Variants in CADM1 observed in about 807,000 individuals in gnomAD.
CADM1 encodes TSLC-1.
Under a neutral mutation model 53.1 loss-of-function variants are expected in CADM1, and 15 were observed. The ratio of observed to expected loss-of-function variants is 0.28; its 90% confidence interval spans 0.19 to 0.44. The LOEUF (loss-of-function observed/expected upper bound fraction) is 0.44, where lower values mean the gene tolerates loss of function less well. Ranked by LOEUF, CADM1 falls within the 20% of genes least tolerant of loss-of-function variation. CADM1 has a pLI of 1.00. For missense variants in CADM1, 434 were observed against 611.3 expected (o/e 0.71, Z 3.06); for synonymous variants, 281 against 243.0 (o/e 1.16, Z -1.45).
At chr11:115,400,661 GTATATA>G (rs372594262) in intron 1 of CADM1, among the ~76,000 whole-genome samples, 4,014 of 45,178 alleles carry the variant, frequency 0.089, 136 homozygotes, top group Admixed American at 0.16. Flanking sequence ...GTGTGTGTGT[GTATATA>G]TATATATATA....
chr11:115,329,910 C>T (rs555673598), intron 1 of CADM1, among the ~76,000 whole-genome samples: 17 of 151,636 alleles, frequency 1.1e-4, no homozygotes, highest in South Asian at 4.2e-4. Flanking sequence ...GAACTCCTCT[C>T]GGTGTTCAGA....
chr11:115,214,683 C>G lies in CADM1; in HGVS notation c.919G>C (p.Asp307His). Residue 307 changes from aspartate (D) to histidine (H), a missense_variant, in exon 7 of 12, where the codon GAT (aspartate) becomes CAT (histidine). Physicochemically the swap from Asp to His is moderately conservative, Grantham distance 81. Around this residue, in one of 4 missense-constraint regions of CADM1, gnomAD observed 311 missense variants for 435.1 expected, o/e 0.71. Transcript: ENST00000331581. ...NLFINNLNKT[D>H]NGTYRCEASN... ...GCTTCACAGCGGTATGTACCATTAT[C>G]TGTTTTGTTTAGGTTATTGATGAAC... 4.3e-6 allele frequency: 7 copies of G among 1,614,040 alleles called. No homozygotes were observed. The highest frequency in any genetic ancestry group is 1.1e-5 in the South Asian group (1 of 91,074).
chr11:115,428,160 G>T (rs768591582), intron 1 of CADM1, among the ~76,000 whole-genome samples: 1 of 151,852 alleles, frequency 6.6e-6, no homozygotes, highest in Non-Finnish European at 1.5e-5. Context: ...GCATTGCAAA[G>T]ACAAAGGTAC....
intron 7 of CADM1, among the ~76,000 whole-genome samples, chr11:115,212,905 A>C (rs964554657): frequency 1.3e-5 from 2 of 152,234 alleles, no homozygotes; most frequent in Non-Finnish European, 2.9e-5. Context: ...TGAGCACTAA[A>C]TAAATGCTAG....
At chr11:115,213,061 TA>T (rs533168298) in intron 7 of CADM1, among the ~76,000 whole-genome samples, 40 of 152,336 alleles carry the variant, frequency 2.6e-4, no homozygotes, top group African/African-American at 8.7e-4. Context: ...AGGATGCACA[TA>T]ACAGACTAAT....
At chr11:115,484,932 G>A (rs963997205) in intron 1 of CADM1, among the ~76,000 whole-genome samples, 1 of 150,572 alleles carries the variant, frequency 6.6e-6, no homozygotes, top group African/African-American at 2.4e-5. Context: ...GGGCAACAGA[G>A]CGAGACTCTG....
chr11:115,371,294 TGA>T (rs1179828698), intron 1 of CADM1, among the ~76,000 whole-genome samples: 1 of 152,080 alleles, frequency 6.6e-6, no homozygotes, highest in Non-Finnish European at 1.5e-5. Flanking sequence ...ACAGAAAGGC[TGA>T]GAGAGGAAAA....
At chr11:115,392,264 C>G (rs1047800524) in intron 1 of CADM1, among the ~76,000 whole-genome samples, 3 of 152,008 alleles carry the variant, frequency 2.0e-5, no homozygotes, top group Non-Finnish European at 4.4e-5. Context: ...AGATATTTGT[C>G]TATTTACTCC....
At chr11:115,491,122 A>T (rs1451926517) in intron 1 of CADM1, among the ~76,000 whole-genome samples, 1 of 152,178 alleles carries the variant, frequency 6.6e-6, no homozygotes, top group East Asian at 1.9e-4. Flanking sequence ...GGTTTGAGGC[A>T]TTTATTTGCC....
chr11:115,473,276 T>C (rs376638902), intron 1 of CADM1, among the ~76,000 whole-genome samples: 27 of 152,170 alleles, frequency 1.8e-4, no homozygotes, highest in Middle Eastern at 3.4e-3. Flanking sequence ...CTGGGGAACA[T>C]AGCAAGGCCC....
rs1938978660 is a variant in CADM1, at chr11:115,175,374, GGA to G, written c.*1098_*1099del. 1.8e-6 allele frequency: 1 copy of G among 553,026 alleles called. No homozygotes were observed. Among genetic ancestry groups the G allele is most frequent in the Non-Finnish European group, 2.1e-6 (1 of 468,476 alleles). 34.3% of individuals were successfully genotyped at this position (553,026 alleles called of 1,614,324 possible). On this transcript the variant is annotated 3_prime_UTR_variant, in exon 12 of 12. Transcript: ENST00000331581. Reference sequence around the variant, plus strand: ...TACTGCCTTCCTAACTAAGCACAAAGGAAAAAAAAAAAAAAATCAACTCTGTC... The same window carrying G: ...TACTGCCTTCCTAACTAAGCACAAAGAAAAAAAAAAAAAATCAACTCTGTC...
chr11:115,176,511 T>G lies in CADM1; in HGVS notation c.1379A>C (p.Gln460Pro). 1 of 1,614,178 alleles carries G rather than the reference T, an allele frequency of 6.2e-7. No homozygotes were observed. Among genetic ancestry groups the G allele is most frequent in the Non-Finnish European group, 8.5e-7 (1 of 1,180,000 alleles). The change falls in exon 12 of 12, where the codon CAG (glutamine) becomes CCG (proline). Residue 460 changes from glutamine (Q) to proline (P), a missense_variant. Gln to Pro is a moderately conservative substitution (Grantham distance 76). Around this residue, in one of 4 missense-constraint regions of CADM1, gnomAD observed 16 missense variants for 41.8 expected, o/e 0.38. Coordinates refer to ENST00000331581, the MANE Select transcript of CADM1 (RefSeq NM_001301043.2). ...DTAIINAEGGQNNSEEKKEYF... is the reference protein window; with the variant it reads ...DTAIINAEGGPNNSEEKKEYF... ...CTCTTTCTTTTCTTCGGAGTTGTTCTGTCCTCCTTCTGCATTGATTATAGC... is the reference window on the plus strand; with the variant it reads ...CTCTTTCTTTTCTTCGGAGTTGTTCGGTCCTCCTTCTGCATTGATTATAGC...
intron 1 of CADM1, among the ~76,000 whole-genome samples, chr11:115,486,397 C>A (rs1205966166): frequency 5.9e-5 from 9 of 152,214 alleles, no homozygotes; most frequent in African/African-American, 2.2e-4. Context: ...GTTGCCCAGG[C>A]TGGAGTGCAG....
At chr11:115,336,325 C>T (rs1012666809) in intron 1 of CADM1, among the ~76,000 whole-genome samples, 4 of 152,150 alleles carry the variant, frequency 2.6e-5, no homozygotes, top group East Asian at 1.9e-4. Context: ...ATTATGAGAA[C>T]AGTTTTCATC....
At chr11:115,455,695 CAA>C (rs1230655058) in intron 1 of CADM1, among the ~76,000 whole-genome samples, 8 of 152,224 alleles carry the variant, frequency 5.3e-5, no homozygotes, top group Admixed American at 4.6e-4. Context: ...CTACAAAAAA[CAA>C]AAAGAGACAG....
At chr11:115,336,632 G>T (rs1201333177) in intron 1 of CADM1, among the ~76,000 whole-genome samples, 3 of 151,986 alleles carry the variant, frequency 2.0e-5, no homozygotes, top group Non-Finnish European at 2.9e-5. Flanking sequence ...ACCAAAATAA[G>T]TCAGGAAACA....
rs190654846 is a variant in CADM1, at chr11:115,391,683, C to G, written c.124+112588G>C. Among the ~76,000 whole-genome samples, 4 of 152,080 alleles carry G rather than the reference C, an allele frequency of 2.6e-5. 1 individual carries two copies. The South Asian group carries it at 6.2e-4, about 24-fold the overall frequency. On this transcript the variant is annotated intron_variant, in intron 1 of 11. Transcript: ENST00000331581. ...TACTGCAAGACAGATTATTTCTCACCAGGTGGTGAAGAAATCTCACTCCAC... is the reference window on the plus strand; with the variant it reads ...TACTGCAAGACAGATTATTTCTCACGAGGTGGTGAAGAAATCTCACTCCAC...
intron 1 of CADM1, among the ~76,000 whole-genome samples, chr11:115,502,752 C>A (rs1279565335): frequency 6.6e-6 from 1 of 152,184 alleles, no homozygotes; most frequent in Non-Finnish European, 1.5e-5. Flanking sequence ...TCCCCCAAAT[C>A]TCAAGCTAGC....
At chr11:115,388,155 A>G (rs1295870700) in intron 1 of CADM1, among the ~76,000 whole-genome samples, 1 of 152,166 alleles carries the variant, frequency 6.6e-6, no homozygotes. Flanking sequence ...TGAACTATAC[A>G]CCACTAAAAA....
Sources: allele counts gnomAD v4.1 joint callset (sites outside exome capture counted in the v4.1 genomes callset), GRCh38; gene constraint gnomAD v4.1.1; regional missense constraint gnomAD v4.1.1; transcripts MANE v1.5; gene names NCBI Gene and HGNC (gene_info 2026-07-23, HGNC 2026-07-21).